NEBL: variants seen among roughly 807,000 people sequenced by gnomAD.
NEBL encodes nebulette.
Under a neutral mutation model 140.2 loss-of-function variants are expected in NEBL, and 122 were observed. The observed-to-expected ratio is 0.87, with a 90% CI of 0.75 to 1.01. The LOEUF (loss-of-function observed/expected upper bound fraction) is 1.01, where lower values mean the gene tolerates loss of function less well. Ranked by LOEUF, NEBL falls within the 50% of genes least tolerant of loss-of-function variation. The pLI, the probability that NEBL is intolerant of heterozygous loss-of-function variation, is 0.00. For synonymous variants in NEBL, 436 were observed against 398.9 expected (o/e 1.09, Z -1.11); for missense variants, 1,365 against 1,231.3 (o/e 1.11, Z -1.62).
At chr10:21,159,876 G>A (rs1335762201) in intron 2 of NEBL, among the ~76,000 whole-genome samples, 3 of 152,170 alleles carry the variant, frequency 2.0e-5, no homozygotes, top group Non-Finnish European at 4.4e-5. Context: ...CTCATAATGT[G>A]GCTATGCATT....
intron 4 of NEBL, among the ~76,000 whole-genome samples, chr10:20,937,699 G>A (rs1834573461): frequency 6.6e-6 from 1 of 152,128 alleles, no homozygotes; most frequent in Non-Finnish European, 1.5e-5. Context: ...GTCAAAGAAA[G>A]GGGTGACAGA....
intron 26 of NEBL, among the ~76,000 whole-genome samples, chr10:20,788,367 T>C (rs1835617449): frequency 6.6e-6 from 1 of 152,188 alleles, no homozygotes; most frequent in Non-Finnish European, 1.5e-5. Flanking sequence ...TATAATGGGT[T>C]GATTTATTCA....
At chr10:20,853,680 C>G (rs769862174) in intron 9 of NEBL, among the ~76,000 whole-genome samples, 4 of 152,094 alleles carry the variant, frequency 2.6e-5, no homozygotes, top group Non-Finnish European at 5.9e-5. Flanking sequence ...CCCAGCTACT[C>G]GGGAGGCTGA....
chr10:20,981,938 G>A (rs1589105757), intron 3 of NEBL, among the ~76,000 whole-genome samples: 1 of 152,190 alleles, frequency 6.6e-6, no homozygotes, highest in Admixed American at 6.5e-5. Flanking sequence ...AATTGGAGTT[G>A]AGATATCTGG....
At chr10:21,096,719 T>G (rs115321210) in intron 2 of NEBL, among the ~76,000 whole-genome samples, 2 of 152,148 alleles carry the variant, frequency 1.3e-5, no homozygotes, top group African/African-American at 2.4e-5. Context: ...CTCACTATGT[T>G]GCCCAAGCTA....
intron 1 of NEBL, among the ~76,000 whole-genome samples, chr10:21,286,559 G>T (rs770622905): frequency 2.0e-5 from 3 of 152,210 alleles, no homozygotes; most frequent in Admixed American, 6.5e-5. Flanking sequence ...ATAGCAGGGC[G>T]CCATGGCTCA....
At chr10:21,241,877 G>T (rs1842444041) in intron 3 of NEBL, among the ~76,000 whole-genome samples, 1 of 152,196 alleles carries the variant, frequency 6.6e-6, no homozygotes, top group African/African-American at 2.4e-5. Context: ...AGTACATCTT[G>T]GTCATTGAAT....
chr10:21,028,549 G>A (rs566217840), intron 2 of NEBL, among the ~76,000 whole-genome samples: 12 of 152,088 alleles, frequency 7.9e-5, no homozygotes, highest in Non-Finnish European at 1.2e-4. Context: ...CTAAAATACT[G>A]GACAATAAGT....
intron 3 of NEBL, among the ~76,000 whole-genome samples, chr10:21,190,302 A>G (rs2132216100): frequency 6.6e-6 from 1 of 151,078 alleles, no homozygotes; most frequent in East Asian, 1.9e-4. Context: ...CAATATAACA[A>G]GACCCTGTGC....
intron 4 of NEBL, among the ~76,000 whole-genome samples, chr10:20,909,002 T>C (rs1178172111): frequency 1.3e-5 from 2 of 152,134 alleles, no homozygotes; most frequent in African/African-American, 4.8e-5. Context: ...GCACTCTTTT[T>C]TTTAATTTTT....
At chr10:21,239,575 G>A (rs533193061) in intron 3 of NEBL, among the ~76,000 whole-genome samples, 2 of 152,046 alleles carry the variant, frequency 1.3e-5, no homozygotes, top group South Asian at 4.1e-4. Flanking sequence ...GCTCTGGGAG[G>A]TCTCTTCTTT....
intron 12 of NEBL, among the ~76,000 whole-genome samples, chr10:20,842,584 T>C (rs541534647): frequency 2.4e-4 from 37 of 152,246 alleles, no homozygotes; most frequent in Non-Finnish European, 3.8e-4. Context: ...TTTAAGTTAA[T>C]TTTTAAAAAA....
intron 4 of NEBL, among the ~76,000 whole-genome samples, chr10:20,915,874 A>T (rs1423446227): frequency 6.6e-6 from 1 of 152,196 alleles, no homozygotes; most frequent in African/African-American, 2.4e-5. Flanking sequence ...TAAACTTTTG[A>T]ATTGGATCTG....
chr10:21,097,170 C>T (rs111236006), intron 2 of NEBL, among the ~76,000 whole-genome samples: 4,651 of 142,758 alleles, frequency 0.033, 264 homozygotes, highest in African/African-American at 0.12. Context: ...GCTCAATATC[C>T]GGCCAGGTGC....
intron 4 of NEBL, among the ~76,000 whole-genome samples, chr10:20,908,891 A>G (rs1420906638): frequency 6.6e-6 from 1 of 152,174 alleles, no homozygotes; most frequent in Admixed American, 6.6e-5. Context: ...CCTTACCTGT[A>G]TGTTGATGTA....
intron 26 of NEBL, among the ~76,000 whole-genome samples, chr10:20,807,476 A>G (rs1837711061): frequency 6.6e-6 from 1 of 152,234 alleles, no homozygotes; most frequent in African/African-American, 2.4e-5. Context: ...ATAAATTTCT[A>G]CCAAAATAAG....
intron 1 of NEBL, among the ~76,000 whole-genome samples, chr10:21,274,230 G>A (rs1054603263): frequency 1.3e-5 from 2 of 152,130 alleles, no homozygotes; most frequent in Non-Finnish European, 2.9e-5. Context: ...AAATACAGTG[G>A]ACCCTTAAAC....
At chr10:21,201,578 AT>A (rs139603416) in intron 3 of NEBL, among the ~76,000 whole-genome samples, 1,747 of 152,350 alleles carry the variant, frequency 0.011, 71 homozygotes, top group Admixed American at 0.089. Flanking sequence ...CTGAATATGT[AT>A]TTTTTAAAAA....
chr10:20,892,968 A>G (rs994592618), intron 2 of NEBL, among the ~76,000 whole-genome samples: 1 of 152,254 alleles, frequency 6.6e-6, no homozygotes, highest in African/African-American at 2.4e-5. Flanking sequence ...TTCTGATACC[A>G]TCTAAGCTTT....
Sources: allele counts gnomAD v4.1 joint callset (sites outside exome capture counted in the v4.1 genomes callset), GRCh38; gene constraint gnomAD v4.1.1; transcripts MANE v1.5; gene names NCBI Gene and HGNC (gene_info 2026-07-23, HGNC 2026-07-21).